The following OVCH1 variants were observed in gnomAD, a reference collection of about 807,000 sequenced individuals.
OVCH1 encodes ovochymase-1.
Under a neutral mutation model 138.4 loss-of-function variants are expected in OVCH1, and 139 were observed. That is an observed-to-expected ratio of 1.00 (90% CI 0.87 to 1.16). The LOEUF is 1.16. Among genes scored for constraint, OVCH1 ranks in the 50% most tolerant of loss-of-function variants. The pLI, the probability that OVCH1 is intolerant of heterozygous loss-of-function variation, is 0.00. For synonymous variants in OVCH1, 453 were observed against 467.8 expected, an observed-to-expected ratio of 0.97 and a Z score of 0.41; for missense variants, 1,367 against 1,357.9, an observed-to-expected ratio of 1.01 and a Z score of -0.11.
At chr12:29,441,140 G>T (rs1017797654) in intron 25 of OVCH1, among the ~76,000 whole-genome samples, 1 of 152,050 alleles carries the variant, frequency 6.6e-6, no homozygotes, top group Non-Finnish European at 1.5e-5. Context: ...AATCCTTGTG[G>T]GTTGACAACC....
At chr12:29,430,031 C>G (rs546774604) in intron 27 of OVCH1, among the ~76,000 whole-genome samples, 1 of 152,170 alleles carries the variant, frequency 6.6e-6, no homozygotes, top group African/African-American at 2.4e-5. Context: ...ACCACGTCTA[C>G]ATTTCAATTT....
chr12:29,447,439 G>T (rs1271835289), intron 22 of OVCH1, among the ~76,000 whole-genome samples: 2 of 152,166 alleles, frequency 1.3e-5, no homozygotes, highest in East Asian at 3.9e-4. Context: ...TGAAAATTAA[G>T]TTAGCCTTTC....
chr12:29,423,273 C>T (rs1272912944), downstream of OVCH1: 8 of 455,872 alleles, frequency 1.8e-5, no homozygotes, highest in East Asian at 5.6e-4. Flanking sequence ...TCAAGATAAA[C>T]TCTTTCTTGG....
chr12:29,455,266 A>T (rs761337813), exon 20 of OVCH1: 1 of 1,612,566 alleles, frequency 6.2e-7, no homozygotes, highest in Non-Finnish European at 8.5e-7. Flanking sequence ...TTTTGATTGG[A>T]TCCAGTCCAA....
chr12:29,458,133 A>G (rs191222510), intron 19 of OVCH1, among the ~76,000 whole-genome samples: 1 of 152,328 alleles, frequency 6.6e-6, no homozygotes, highest in African/African-American at 2.4e-5. Context: ...CAGAAATAGA[A>G]AAATAATCAT....
Position 29,474,060 on chromosome 12 carries a change from A to AAC in OVCH1, c.1601-959_1601-958dup, listed in dbSNP as rs1329610894. 2.1e-4 allele frequency among the ~76,000 whole-genome samples: 24 copies of AAC among 115,300 alleles called. No homozygotes were observed. The East Asian group carries it at 2.5e-3, about 12-fold the overall frequency. The allele number at this position is 115,300 out of a possible 152,430, so 75.6% of individuals were successfully genotyped here. On this transcript the variant is annotated intron_variant, in intron 14 of 27. Coordinates refer to ENST00000318184, the Ensembl canonical transcript of OVCH1. ...TGATCATGTAAGTTAATACTTAATAAACACACACACACATACACACACACA... is the reference window on the plus strand; with the variant it reads ...TGATCATGTAAGTTAATACTTAATAAACACACACACACACATACACACACACA...
At chr12:29,488,284 A>G (rs1283790884) in intron 6 of OVCH1, among the ~76,000 whole-genome samples, 3 of 152,214 alleles carry the variant, frequency 2.0e-5, no homozygotes, top group South Asian at 2.1e-4. Flanking sequence ...GCATCAGTGA[A>G]TAGACCCCTC....
rs1235331200 is a variant in OVCH1 at position 29,470,733 on chromosome 12, C to A, written c.1856+1069G>T. ...ATTTATAATCTTTTGGGTATATACC[C>A]AGTAATGTGATTGCTAGGTCAATTG... On this transcript the variant is annotated intron_variant, in intron 16 of 27. Coordinates refer to ENST00000318184, the Ensembl canonical transcript of OVCH1. Among the ~76,000 whole-genome samples the A allele has an allele frequency of 2.0e-5, 3 of 152,090 alleles. No individual in the cohort carries two copies. The East Asian group carries it at 5.8e-4, about 29-fold the overall frequency.
rs774294091 is a variant in OVCH1 at position 29,486,299 on chromosome 12, T to C, written c.942A>G (p.Thr314=). ...CTTCTTGGACAGAACTCAGGGCCTT[T>C]GTTATATACCTTGAGCCCACTTTTG... Residue 314 remains threonine (T), a synonymous_variant, in exon 8 of 28, where the codon ACA becomes ACG. Coordinates refer to ENST00000318184, the Ensembl canonical transcript of OVCH1. The C allele has an allele frequency of 4.3e-6, 7 of 1,613,866 alleles. No individual in the cohort carries two copies. The East Asian group carries it at 1.6e-4, about 36-fold the overall frequency.
chr12:29,441,413 C>T (rs1023986950), intron 25 of OVCH1, among the ~76,000 whole-genome samples: 41 of 152,072 alleles, frequency 2.7e-4, no homozygotes, highest in Non-Finnish European at 1.0e-4. Flanking sequence ...AACTGGCTAG[C>T]CATATGGAGA....
At position 29,489,680 on chromosome 12, in the gene OVCH1, AG is replaced by A; in HGVS notation, c.641del (p.Pro214LeufsTer42). The A allele has an allele frequency of 6.2e-7, 1 of 1,609,850 alleles. No individual in the cohort carries two copies. Among genetic ancestry groups the A allele is most frequent in the South Asian group, 1.1e-5 (1 of 90,010 alleles). ...CACACAGCATGGTCCTTCCCAGGGG[AG>A]GGAGGTTCATGCTCTTGAGCACAGT... On this transcript the variant is annotated frameshift_variant, in exon 6 of 28. Transcript: ENST00000318184. LOFTEE classifies it high-confidence loss of function.
At chr12:29,404,666 T>C in the OVCH1 span, among the ~76,000 whole-genome samples, 1 of 152,170 alleles carries the variant, frequency 6.6e-6, no homozygotes, top group Non-Finnish European at 1.5e-5. Flanking sequence ...AACTCCTTTA[T>C]GTTTTCAGTG....
At chr12:29,433,129 ATAT>A (rs766874187) in intron 27 of OVCH1, among the ~76,000 whole-genome samples, 3 of 152,114 alleles carry the variant, frequency 2.0e-5, no homozygotes, top group Non-Finnish European at 4.4e-5. Flanking sequence ...CCTCTGTTAT[ATAT>A]TTTTGTTGCA....
At chr12:29,475,242 A>C in intron 13 of OVCH1, 53 bp from the exon 14 acceptor site, 1 of 1,319,128 alleles carries the variant, frequency 7.6e-7, no homozygotes. Flanking sequence ...AAAAAATCAG[A>C]ACACACAGTA....
intron 22 of OVCH1, among the ~76,000 whole-genome samples, chr12:29,450,815 A>C (rs1450828708): frequency 6.6e-6 from 1 of 152,120 alleles, no homozygotes; most frequent in East Asian, 1.9e-4. Flanking sequence ...GCACATATAC[A>C]CCATGTTATA....
chr12:29,416,395 C>G (rs1336650203), intron 3 of OVCH1, among the ~76,000 whole-genome samples: 2 of 152,038 alleles, frequency 1.3e-5, no homozygotes, highest in African/African-American at 2.4e-5. Context: ...GGAGGAACAT[C>G]TGCAAACCAT....
intron 23 of OVCH1, among the ~76,000 whole-genome samples, chr12:29,444,671 A>G (rs1022366968): frequency 2.6e-5 from 4 of 152,054 alleles, no homozygotes; most frequent in African/African-American, 9.7e-5. Flanking sequence ...ACAGGTCTAG[A>G]ATAACATATT....
At chr12:29,492,582 T>C (rs932084359) in intron 4 of OVCH1, among the ~76,000 whole-genome samples, 3 of 152,012 alleles carry the variant, frequency 2.0e-5, no homozygotes, top group Admixed American at 6.6e-5. Context: ...CAAGACATGA[T>C]GGTAGTATTG....
At chr12:29,416,988 T>C (rs1941038160) in intron 3 of OVCH1, among the ~76,000 whole-genome samples, 1 of 152,188 alleles carries the variant, frequency 6.6e-6, no homozygotes, top group Non-Finnish European at 1.5e-5. Context: ...AGGAATGAAC[T>C]ATCAAAAGGA....
Sources: gnomAD v4.1 joint callset for allele counts (sites outside exome capture counted in the v4.1 genomes callset) on GRCh38, gnomAD v4.1.1 for gene constraint, MANE v1.5 for transcripts, NCBI Gene and HGNC (gene_info 2026-07-23, HGNC 2026-07-21) for gene names.